The following CSNK2A2 variants were observed in gnomAD, a reference collection of about 807,000 sequenced individuals.
The protein encoded by CSNK2A2 is casein kinase 2 alpha 2.
In CSNK2A2, 8 loss-of-function variants were observed where a neutral mutation model predicts 54.0. The observed-to-expected ratio is 0.15, with a 90% CI of 0.09 to 0.27. The LOEUF is 0.27. Ranked by LOEUF, CSNK2A2 falls within the 10% of genes least tolerant of loss-of-function variation. CSNK2A2 has a pLI of 1.00. For missense variants in CSNK2A2, 242 were observed against 439.4 expected (o/e 0.55, Z 4.02); for synonymous variants, 141 against 153.9 (o/e 0.92, Z 0.62).
At chr16:58,163,605 T>G (rs1961465818) in intron 11 of CSNK2A2, 1 of 152,378 alleles carries the variant, frequency 6.6e-6, no homozygotes, top group Non-Finnish European at 1.5e-5. Flanking sequence ...AATATCTCCT[T>G]TTTGTAAATG....
chr16:58,195,362 T>A (rs1417452904), intron 2 of CSNK2A2, among the ~76,000 whole-genome samples: 2 of 152,188 alleles, frequency 1.3e-5, no homozygotes, highest in African/African-American at 4.8e-5. Context: ...GGCTAGGATG[T>A]TTTGAGTGAT....
chr16:58,181,169 G>GT (rs1305345175), intron 4 of CSNK2A2, among the ~76,000 whole-genome samples: 1 of 152,152 alleles, frequency 6.6e-6, no homozygotes, highest in African/African-American at 2.4e-5. Flanking sequence ...AGATTAAATC[G>GT]TAAGAACTAA....
rs1962492483 is a variant in CSNK2A2, at chr16:58,197,467, GA to G, written c.104+165del. 6.6e-6 allele frequency among the ~76,000 whole-genome samples: 1 copy of G among 152,186 alleles called. No homozygotes were observed. On this transcript the variant is annotated intron_variant, in intron 1 of 11. Transcript: ENST00000262506. This position sits in a 1 kb window ranked among gnomAD's most constrained non-coding sequence, Gnocchi z 4.0. ...AAAGGGACGAAACGGGGGTAAAGGGGAGGGAAGAGGAAGACGAGGACATGTG... is the reference window on the plus strand; with the variant it reads ...AAAGGGACGAAACGGGGGTAAAGGGGGGGAAGAGGAAGACGAGGACATGTG...
intron 11 of CSNK2A2, 27 bp downstream of exon 11, chr16:58,164,027 T>C (rs1277198560): frequency 1.9e-6 from 3 of 1,567,092 alleles, no homozygotes; most frequent in African/African-American, 2.7e-5. Context: ...TGGTTGGTTT[T>C]ATTGGCAAGC....
At chr16:58,179,290 A>C (rs1419200616) in intron 4 of CSNK2A2, among the ~76,000 whole-genome samples, 1 of 151,650 alleles carries the variant, frequency 6.6e-6, no homozygotes, top group Non-Finnish European at 1.5e-5. Flanking sequence ...ACCTGAGGTA[A>C]GGGGTTCAAG....
intron 11 of CSNK2A2, chr16:58,159,618 A>T (rs547069375): frequency 6.6e-6 from 1 of 152,386 alleles, no homozygotes; most frequent in East Asian, 1.9e-4. Flanking sequence ...ACAGGATTTA[A>T]CATGGCATTT....
chr16:58,197,775 T>G lies in CSNK2A2; in HGVS notation c.-39A>C, dbSNP rs1044577693. ...GGGGGGCGGCGCGGGGCGCAGAGGGTGGCGGCGGCGGCGCGGCGGGGGACG... is the reference window on the plus strand; with the variant it reads ...GGGGGGCGGCGCGGGGCGCAGAGGGGGGCGGCGGCGGCGCGGCGGGGGACG... On this transcript the variant is annotated 5_prime_UTR_variant, in exon 1 of 12. Transcript: ENST00000262506. This position sits in a 1 kb window ranked among gnomAD's most constrained non-coding sequence, Gnocchi z 4.0. The G allele has an allele frequency of 1.6e-5, 11 of 694,384 alleles. No individual in the cohort carries two copies. The South Asian group carries it at 6.3e-4, about 40-fold the overall frequency. 43.0% of individuals were successfully genotyped at this position (694,384 alleles called of 1,614,324 possible). A position where few individuals can be genotyped will look rare whatever the true frequency, so the allele number is the denominator to read the frequency against.
At chr16:58,166,037 T>C (rs1961552625) in intron 9 of CSNK2A2, among the ~76,000 whole-genome samples, 1 of 152,212 alleles carries the variant, frequency 6.6e-6, no homozygotes, top group Admixed American at 6.5e-5. Flanking sequence ...GGTCAGCAGA[T>C]ATATTTCCCA....
chr16:58,188,898 G>A (rs1165815148), intron 2 of CSNK2A2, among the ~76,000 whole-genome samples: 1 of 151,352 alleles, frequency 6.6e-6, no homozygotes, highest in East Asian at 1.9e-4. Context: ...GGGAATTCCT[G>A]CAACTTTTTT....
In CSNK2A2 at chr16:58,164,043, T is replaced by A. The variant is rs1434936415; in HGVS notation, c.*17+11A>T. 1.2e-6 allele frequency: 2 copies of A among 1,601,224 alleles called. No individual in the cohort carries two copies. The highest frequency in any genetic ancestry group is 8.5e-7 in the Non-Finnish European group (1 of 1,170,370). On this transcript the variant is annotated intron_variant, in intron 11 of 11. Transcript: ENST00000262506. The stretch of plus-strand genomic sequence containing the variant: ...GGTTGGTTTTATTGGCAAGCATCAA[T>A]GCCGCATTACCCGTCGCTTTCCAGT...
intron 6 of CSNK2A2, 91 bp downstream of exon 6, chr16:58,168,519 G>T: frequency 2.0e-6 from 2 of 1,014,910 alleles, no homozygotes; most frequent in East Asian, 4.9e-5. Flanking sequence ...AACCCACCAC[G>T]GGTCTACAGA....
intron 2 of CSNK2A2, 45 bp from the exon 3 acceptor site, chr16:58,186,901 TAATA>T: frequency 1.4e-6 from 2 of 1,452,628 alleles, no homozygotes; most frequent in Non-Finnish European, 9.7e-7. Context: ...CTTTTGAAGT[TAATA>T]AATAAAACTT....
rs750301809 is a variant in CSNK2A2, at chr16:58,186,804, C to T, written c.269G>A (p.Arg90His). ...CAGCTTAATGATATTTGTTCCACCACGAAGGTTCTCCAGAATCTTAACCTC... is the reference window on the plus strand; with the variant it reads ...CAGCTTAATGATATTTGTTCCACCATGAAGGTTCTCCAGAATCTTAACCTC... ...KREVKILENL[R>H]GGTNIIKLID... The change falls in exon 3 of 12, where the codon CGT becomes CAT. Residue 90 changes from arginine to histidine, a missense_variant. Around this residue, in one of 5 missense-constraint regions of CSNK2A2, gnomAD observed 69 missense variants for 97.0 expected, o/e 0.71. Coordinates refer to ENST00000262506, the MANE Select transcript of CSNK2A2 (RefSeq NM_001896.4). 4.3e-5 allele frequency: 69 copies of T among 1,614,008 alleles called. No homozygotes were observed. In the Admixed American group the frequency reaches 9.7e-4, roughly 23 times the overall value.
At chr16:58,193,086 T>C (rs996627271) in intron 2 of CSNK2A2, among the ~76,000 whole-genome samples, 1 of 152,242 alleles carries the variant, frequency 6.6e-6, no homozygotes, top group Non-Finnish European at 1.5e-5. Context: ...TTTTATACCA[T>C]GAGACATTAG....
intron 10 of CSNK2A2, 135 bp from the exon 11 acceptor site, chr16:58,164,282 C>T (rs763772669): frequency 7.9e-5 from 49 of 622,752 alleles, no homozygotes; most frequent in East Asian, 3.4e-4. Flanking sequence ...ACAGGAGAGA[C>T]GGAAATCACG....
rs370237055 is a variant in CSNK2A2 at position 58,179,373 on chromosome 16, C to T, written c.370-4863G>A. Among the ~76,000 whole-genome samples the T allele has an allele frequency of 9.2e-5, 14 of 151,914 alleles. No homozygotes were observed. In the East Asian group the frequency reaches 1.4e-3, roughly 15 times the overall value. Reference sequence around the variant, plus strand: ...AAAATTAGCTGGGTGTGGTGGTGCACGCCTGTAGTCCCAGCTACTCAGGAG... The same window carrying T: ...AAAATTAGCTGGGTGTGGTGGTGCATGCCTGTAGTCCCAGCTACTCAGGAG... On this transcript the variant is annotated intron_variant, in intron 4 of 11. Coordinates refer to ENST00000262506, the MANE Select transcript of CSNK2A2 (RefSeq NM_001896.4).
rs1467715656 is a variant in CSNK2A2 at position 58,164,263 on chromosome 16, A to G, written c.977-116T>C. The G allele has an allele frequency of 1.6e-5, 13 of 817,912 alleles. No homozygotes were observed. In the East Asian group the frequency reaches 3.4e-4, roughly 21 times the overall value. The allele number at this position is 817,912 out of a possible 1,614,324, so 50.7% of individuals were successfully genotyped here. Reference sequence around the variant, plus strand: ...ACAGACTGATGGGCAAGCCAGGGTCAGGGGGGCAACAGGAGAGACGGAAAT... The same window carrying G: ...ACAGACTGATGGGCAAGCCAGGGTCGGGGGGGCAACAGGAGAGACGGAAAT... On this transcript the variant is annotated intron_variant, in intron 10 of 11. Coordinates refer to ENST00000262506, the MANE Select transcript of CSNK2A2 (RefSeq NM_001896.4).
At chr16:58,184,788 A>T (rs1962147138) in intron 3 of CSNK2A2, among the ~76,000 whole-genome samples, 1 of 152,250 alleles carries the variant, frequency 6.6e-6, no homozygotes, top group Non-Finnish European at 1.5e-5. Context: ...TTAGCAAGCC[A>T]GAATTGCACT....
chr16:58,172,874 C>G (rs1465037581), intron 5 of CSNK2A2, among the ~76,000 whole-genome samples: 1 of 152,190 alleles, frequency 6.6e-6, no homozygotes, highest in Admixed American at 6.5e-5. Flanking sequence ...GAAAGGACAT[C>G]AGACATTGAG....
Sources: allele counts gnomAD v4.1 joint callset (sites outside exome capture counted in the v4.1 genomes callset), GRCh38; gene constraint gnomAD v4.1.1; regional missense constraint gnomAD v4.1.1; non-coding constraint Gnocchi (gnomAD v3.1); transcripts MANE v1.5; gene names NCBI Gene and HGNC (gene_info 2026-07-23, HGNC 2026-07-21).